The following DNAH14 variants were observed in gnomAD, a reference collection of about 807,000 sequenced individuals.
DNAH14 encodes dynein axonemal heavy chain 14.
DNAH14 carries 478 observed loss-of-function variants against 520.9 expected under a neutral mutation model. The observed-to-expected ratio is 0.92, with a 90% CI of 0.85 to 0.99. The LOEUF (loss-of-function observed/expected upper bound fraction) is 0.99, where lower values mean the gene tolerates loss of function less well. Ranked by LOEUF, DNAH14 falls within the 50% of genes least tolerant of loss-of-function variation. The pLI is 0.00. For synonymous variants in DNAH14, 1,581 were observed against 1,757.2 expected (o/e 0.90, Z 2.51); for missense variants, 4,831 against 5,234.5 (o/e 0.92, Z 2.38).
At position 225,058,170 on chromosome 1, in the gene DNAH14, T is replaced by C. The variant is rs2069425481; in HGVS notation, c.2424+6375T>C. On this transcript the variant is annotated intron_variant, in intron 17 of 85. Transcript: ENST00000682510. ...GAAACCATCTGGTCCTGGACTTTTT[T>C]TGGTTGGTAGGCTATTAATTATTGC... Among the ~76,000 whole-genome samples, 3 of 152,186 alleles carry C rather than the reference T, an allele frequency of 2.0e-5. No individual in the cohort carries two copies. The South Asian group carries it at 6.2e-4, about 31-fold the overall frequency.
At chr1:225,199,868 T>C (rs1263712850) in intron 38 of DNAH14, among the ~76,000 whole-genome samples, 1 of 152,216 alleles carries the variant, frequency 6.6e-6, no homozygotes. Flanking sequence ...TTACAGGGTA[T>C]AGTTTAAATT....
chr1:225,289,923 C>T lies in DNAH14; in HGVS notation c.8310C>T (p.Thr2770=). The T allele has an allele frequency of 6.7e-7, 1 of 1,490,758 alleles. No homozygotes were observed. The highest frequency in any genetic ancestry group is 9.0e-7 in the Non-Finnish European group (1 of 1,114,978). The allele number at this position is 1,490,758 out of a possible 1,614,324, so 92.3% of individuals were successfully genotyped here. A position where few individuals can be genotyped will look rare whatever the true frequency, so the allele number is the denominator to read the frequency against. Residue 2770 remains threonine, a synonymous_variant, in exon 55 of 86, where the codon ACC becomes ACT. Coordinates refer to ENST00000682510, the MANE Select transcript of DNAH14 (RefSeq NM_001367479.1). ...GATGTGGGAAAAAAACATGTGCAACCTTGGCCTGTTATTTGACAGATAATA... is the reference window on the plus strand; with the variant it reads ...GATGTGGGAAAAAAACATGTGCAACTTTGGCCTGTTATTTGACAGATAATA... ...IDGCGKKTCA[T]LACYLTDNKL... is the part of the protein sequence containing the mutation.
At chr1:225,158,412 C>T (rs1489817928) in intron 34 of DNAH14, among the ~76,000 whole-genome samples, 1 of 152,120 alleles carries the variant, frequency 6.6e-6, no homozygotes, top group African/African-American at 2.4e-5. Context: ...TACTGCAGTC[C>T]TCCATACACT....
At chr1:225,176,139 A>G (rs1306459551) in intron 36 of DNAH14, among the ~76,000 whole-genome samples, 3 of 152,106 alleles carry the variant, frequency 2.0e-5, no homozygotes, top group African/African-American at 7.2e-5. Flanking sequence ...TGGTTTAGGT[A>G]TGTGGTGTTT....
intron 2 of DNAH14, among the ~76,000 whole-genome samples, chr1:224,954,252 G>A (rs2060362869): frequency 6.6e-6 from 1 of 152,066 alleles, no homozygotes; most frequent in African/African-American, 2.4e-5. Flanking sequence ...CTATAAATAA[G>A]TTCAAAGACA....
intron 8 of DNAH14, among the ~76,000 whole-genome samples, chr1:224,990,496 C>T (rs2489337): frequency 0.32 from 48,983 of 152,058 alleles, 13,864 homozygotes; most frequent in African/African-American, 0.76. Context: ...TGGTAAACAC[C>T]ATCCTACTCC....
At chr1:224,977,668 A>G (rs2061961696) in intron 8 of DNAH14, among the ~76,000 whole-genome samples, 1 of 152,160 alleles carries the variant, frequency 6.6e-6, no homozygotes, top group South Asian at 2.1e-4. Context: ...TACTTCAATT[A>G]AATGGTTTTC....
At chr1:225,106,472 G>C (rs1246835556) in intron 23 of DNAH14, among the ~76,000 whole-genome samples, 1 of 152,190 alleles carries the variant, frequency 6.6e-6, no homozygotes, top group Non-Finnish European at 1.5e-5. Flanking sequence ...ATCCTGCAGA[G>C]TGTTTTCCAA....
intron 43 of DNAH14, among the ~76,000 whole-genome samples, chr1:225,246,847 T>C (rs2092313550): frequency 6.6e-6 from 1 of 152,122 alleles, no homozygotes; most frequent in Admixed American, 6.5e-5. Flanking sequence ...TAGAACCAGA[T>C]ACCATTTGAC....
At position 225,079,559 on chromosome 1, in the gene DNAH14, A is replaced by G; in HGVS notation, c.2766+11A>G. The G allele has an allele frequency of 6.7e-7, 1 of 1,498,614 alleles. No individual in the cohort carries two copies. The highest frequency in any genetic ancestry group is 8.8e-7 in the Non-Finnish European group (1 of 1,131,868). 92.8% of individuals were successfully genotyped at this position (1,498,614 alleles called of 1,614,324 possible). A position where few individuals can be genotyped will look rare whatever the true frequency, so the allele number is the denominator to read the frequency against. ...AATTTAAAAGCCAAGGTAAGTTTTT[A>G]GGGTTTTTTTGGATTTTTTTTTTAT... On this transcript the variant is annotated intron_variant, in intron 18 of 85. Coordinates refer to ENST00000682510, the MANE Select transcript of DNAH14 (RefSeq NM_001367479.1).
rs890423828 is a variant in DNAH14, at chr1:224,929,729, C to G, written c.-140C>G. The G allele has an allele frequency of 1.4e-6, 1 of 702,268 alleles. No homozygotes were observed. The highest frequency in any genetic ancestry group is 2.6e-6 in the Non-Finnish European group (1 of 384,846). The allele number at this position is 702,268 out of a possible 1,614,324, so 43.5% of individuals were successfully genotyped here. A position where few individuals can be genotyped will look rare whatever the true frequency, so the allele number is the denominator to read the frequency against. ...AGCCTGGCGTGGTAGGGCTGTGCTG[C>G]GCGGTCCTTCCCATTCACCCTAGTC... On this transcript the variant is annotated 5_prime_UTR_variant, in exon 1 of 86. Coordinates refer to ENST00000682510, the MANE Select transcript of DNAH14 (RefSeq NM_001367479.1).
At chr1:225,071,693 A>C (rs1299478128) in intron 17 of DNAH14, among the ~76,000 whole-genome samples, 1 of 152,226 alleles carries the variant, frequency 6.6e-6, no homozygotes, top group Non-Finnish European at 1.5e-5. Context: ...ACAGTTCAGC[A>C]TGACTGTGAA....
At chr1:224,978,818 T>A (rs1367888530) in intron 8 of DNAH14, among the ~76,000 whole-genome samples, 1 of 151,974 alleles carries the variant, frequency 6.6e-6, no homozygotes, top group Non-Finnish European at 1.5e-5. Flanking sequence ...TTTATTTTTA[T>A]TTTGTAGAGA....
intron 74 of DNAH14, 88 bp from the exon 75 acceptor site, chr1:225,360,593 A>C (rs1322371205): frequency 1.6e-6 from 2 of 1,222,178 alleles, no homozygotes; most frequent in East Asian, 5.1e-5. Context: ...CCTTTTCCCA[A>C]CACTACTCAA....
intron 36 of DNAH14, among the ~76,000 whole-genome samples, chr1:225,172,750 T>C (rs972799272): frequency 2.0e-5 from 3 of 152,210 alleles, no homozygotes; most frequent in Middle Eastern, 3.4e-3. Flanking sequence ...CTTCACAGAA[T>C]TGGAAAAAAC....
chr1:224,980,963 C>T (rs1361530963), intron 8 of DNAH14, among the ~76,000 whole-genome samples: 1 of 152,202 alleles, frequency 6.6e-6, no homozygotes, highest in Admixed American at 6.5e-5. Context: ...ACGTTCTGCA[C>T]ATGTATCCCA....
rs937485719 is a variant in DNAH14, at chr1:225,240,596, T to C, written c.6522T>C (p.Asp2174=). The C allele has an allele frequency of 7.1e-6, 11 of 1,540,138 alleles. No homozygotes were observed. The African/African-American group carries it at 1.5e-4, about 21-fold the overall frequency. ...CTTCCATACCTGTCTACCCCAGGGA[T>C]GAAAATACATGGTATCCAGAGAAAA... ...SVTFKDIEKR[D]ENTWYPEKNP... Residue 2174 remains aspartate, a synonymous_variant, in exon 43 of 86, where the codon GAT becomes GAC. Transcript: ENST00000682510.
At chr1:225,106,709 G>A (rs955743051) in intron 23 of DNAH14, among the ~76,000 whole-genome samples, 6 of 152,084 alleles carry the variant, frequency 3.9e-5, no homozygotes, top group African/African-American at 7.2e-5. Context: ...CATAGTTCTT[G>A]TGCCTTGGTT....
At chr1:224,975,238 C>T (rs1329883322) in intron 8 of DNAH14, among the ~76,000 whole-genome samples, 1 of 152,176 alleles carries the variant, frequency 6.6e-6, no homozygotes, top group African/African-American at 2.4e-5. Context: ...TTGCTGGCCT[C>T]ATAAAATGAA....
Sources: gnomAD v4.1 joint callset for allele counts (sites outside exome capture counted in the v4.1 genomes callset) on GRCh38, gnomAD v4.1.1 for gene constraint, MANE v1.5 for transcripts, NCBI Gene and HGNC (gene_info 2026-07-23, HGNC 2026-07-21) for gene names.